PDE4D: variants seen among roughly 807,000 people sequenced by gnomAD.
PDE4D encodes phosphodiesterase 4D, also known as 3',5'-cyclic-AMP phosphodiesterase 4D.
A neutral mutation model predicts 87.4 loss-of-function variants in PDE4D; 24 were observed. That is an observed-to-expected ratio of 0.27 (90% CI 0.20 to 0.39). The LOEUF is 0.39. Among genes scored for constraint, PDE4D ranks in the 10% least tolerant of loss-of-function variants. The probability of loss-of-function intolerance (pLI) is 1.00; values close to 1 mark genes in which losing one functional copy is unlikely to be tolerated. For synonymous variants in PDE4D, 384 were observed against 383.2 expected, an observed-to-expected ratio of 1.00 and a Z score of -0.02; for missense variants, 714 against 1,041.0, an observed-to-expected ratio of 0.69 and a Z score of 4.32.
intron 2 of PDE4D, among the ~76,000 whole-genome samples, chr5:60,174,931 G>T (rs1783784160): frequency 6.6e-6 from 1 of 151,968 alleles, no homozygotes; most frequent in South Asian, 2.1e-4. Flanking sequence ...TGATATACTT[G>T]GAGATTTTGA....
intron 1 of PDE4D, among the ~76,000 whole-genome samples, chr5:60,496,484 G>T (rs1316496844): frequency 6.6e-6 from 1 of 152,022 alleles, no homozygotes; most frequent in Non-Finnish European, 1.5e-5. Context: ...AGCTTTCCCT[G>T]CATTAAAATA....
intron 1 of PDE4D, among the ~76,000 whole-genome samples, chr5:59,742,020 A>G (rs951631264): frequency 5.9e-5 from 9 of 152,112 alleles, no homozygotes; most frequent in African/African-American, 2.2e-4. Context: ...TGTTGTTGTT[A>G]CTGATATCAA....
At chr5:59,077,994 T>C (rs575811268) in intron 5 of PDE4D, among the ~76,000 whole-genome samples, 7 of 152,330 alleles carry the variant, frequency 4.6e-5, no homozygotes, top group Non-Finnish European at 7.3e-5. Flanking sequence ...ACCGCGCATC[T>C]GGTCAAATTT....
chr5:59,241,683 G>A (rs1429221246), intron 1 of PDE4D, among the ~76,000 whole-genome samples: 1 of 152,176 alleles, frequency 6.6e-6, no homozygotes, highest in African/African-American at 2.4e-5. Flanking sequence ...ACTAAGTTAT[G>A]TAGTTTAACT....
chr5:59,893,536 G>C lies in PDE4D; in HGVS notation c.87C>G (p.Pro29=). 1 of 1,541,190 alleles carries C rather than the reference G, an allele frequency of 6.5e-7. No homozygotes were observed. The highest frequency in any genetic ancestry group is 8.7e-7 in the Non-Finnish European group (1 of 1,142,948). The stretch of plus-strand genomic sequence containing the variant: ...GCTGCTCGTGCCTCCAGAGATGCTT[G>C]GGGGCTTTGAGCGTGGCCCCGCCGG... The part of the protein sequence containing the change: ...DSAGGATLKA[P]KHLWRHEQHH... Residue 29 remains proline (P), a synonymous_variant, in exon 1 of 15, where the codon CCC becomes CCG. Coordinates refer to ENST00000340635, the MANE Select transcript of PDE4D (RefSeq NM_001104631.2).
At chr5:59,463,626 T>C (rs1235301465) in intron 1 of PDE4D, among the ~76,000 whole-genome samples, 1 of 152,208 alleles carries the variant, frequency 6.6e-6, no homozygotes, top group Non-Finnish European at 1.5e-5. Context: ...GAATTTTCCA[T>C]TGCTAGATAA....
chr5:59,249,488 A>C (rs1232494559), intron 1 of PDE4D, among the ~76,000 whole-genome samples: 1 of 152,176 alleles, frequency 6.6e-6, no homozygotes, highest in African/African-American at 2.4e-5. Context: ...CCAATGTTTC[A>C]GTTCAAAGAT....
At chr5:60,477,213 G>A (rs547008492) in intron 1 of PDE4D, among the ~76,000 whole-genome samples, 9 of 152,180 alleles carry the variant, frequency 5.9e-5, no homozygotes, top group East Asian at 5.8e-4. Context: ...TAGTAATAGC[G>A]GCTCCAAAAT....
intron 2 of PDE4D, among the ~76,000 whole-genome samples, chr5:60,114,874 G>A (rs1474608916): frequency 6.6e-6 from 1 of 150,852 alleles, no homozygotes; most frequent in Non-Finnish European, 1.5e-5. Flanking sequence ...ATGTGTGTAT[G>A]TATGTGTGTG....
intron 2 of PDE4D, among the ~76,000 whole-genome samples, chr5:60,100,560 C>G (rs1340619347): frequency 6.6e-6 from 1 of 151,926 alleles, no homozygotes; most frequent in Non-Finnish European, 1.5e-5. Flanking sequence ...TAAAATAGCA[C>G]CAGTGAGTCA....
intron 2 of PDE4D, among the ~76,000 whole-genome samples, chr5:60,149,020 G>C (rs1781265190): frequency 6.6e-6 from 1 of 152,184 alleles, no homozygotes; most frequent in Non-Finnish European, 1.5e-5. Context: ...TTCACCATAA[G>C]TGTTTGATAA....
chr5:59,446,155 A>AC (rs1798308443), intron 1 of PDE4D, among the ~76,000 whole-genome samples: 1 of 152,204 alleles, frequency 6.6e-6, no homozygotes, highest in South Asian at 2.1e-4. Context: ...TATATTATAT[A>AC]ACATATACAA....
intron 1 of PDE4D, among the ~76,000 whole-genome samples, chr5:59,398,065 G>T (rs1275046512): frequency 7.4e-4 from 104 of 141,294 alleles, no homozygotes; most frequent in Non-Finnish European, 3.9e-4. Context: ...CCAATAACAG[G>T]ATCTGAAATT....
chr5:59,308,304 A>T (rs1434903656), intron 1 of PDE4D, among the ~76,000 whole-genome samples: 1 of 151,828 alleles, frequency 6.6e-6, no homozygotes, highest in Non-Finnish European at 1.5e-5. Context: ...TGGCACATGT[A>T]CCCTAAAACT....
At chr5:60,396,365 C>T (rs1762882727) in intron 1 of PDE4D, among the ~76,000 whole-genome samples, 1 of 152,090 alleles carries the variant, frequency 6.6e-6, no homozygotes, top group Non-Finnish European at 1.5e-5. Flanking sequence ...TGGGAAAGAC[C>T]CTGCCACATA....
intron 11 of PDE4D, among the ~76,000 whole-genome samples, chr5:58,986,483 G>A (rs1283138171): frequency 1.3e-5 from 2 of 152,192 alleles, no homozygotes; most frequent in Non-Finnish European, 2.9e-5. Context: ...AGCAGGAGGT[G>A]AGCAGCAGGC....
rs544698126 is a variant in PDE4D at position 59,852,906 on chromosome 5, T to C, written c.455+40262A>G. Reference sequence around the variant, plus strand: ...GCTAAATCTGTGGTTCTTGTTCCCATAGTTAATAGATTATATGTCTCTGAT... The same window carrying C: ...GCTAAATCTGTGGTTCTTGTTCCCACAGTTAATAGATTATATGTCTCTGAT... On this transcript the variant is annotated intron_variant, in intron 1 of 14. Transcript: ENST00000340635. 3.9e-5 allele frequency among the ~76,000 whole-genome samples: 6 copies of C among 152,026 alleles called. No individual in the cohort carries two copies. The South Asian group carries it at 1.0e-3, about 26-fold the overall frequency.
intron 1 of PDE4D, among the ~76,000 whole-genome samples, chr5:59,892,521 CA>C (rs2152755438): frequency 1.3e-5 from 2 of 150,892 alleles, no homozygotes; most frequent in East Asian, 3.9e-4. Context: ...TTGTCTCTCT[CA>C]AGGATTGCTG....
chr5:60,326,821 G>A (rs1350293802), intron 1 of PDE4D, among the ~76,000 whole-genome samples: 1 of 151,976 alleles, frequency 6.6e-6, no homozygotes, highest in Non-Finnish European at 1.5e-5. Context: ...TGCAGGCTTC[G>A]GTCATTTTTA....
Sources: allele counts gnomAD v4.1 joint callset (sites outside exome capture counted in the v4.1 genomes callset), GRCh38; gene constraint gnomAD v4.1.1; transcripts MANE v1.5; gene names NCBI Gene and HGNC (gene_info 2026-07-23, HGNC 2026-07-21).